Variants in L2HGDH observed in about 807,000 individuals in gnomAD.
L2HGDH encodes L-2-hydroxyglutarate dehydrogenase.
Under a neutral mutation model 51.5 loss-of-function variants are expected in L2HGDH, and 34 were observed. That is an observed-to-expected ratio of 0.66 (90% CI 0.50 to 0.88). The LOEUF is 0.88. Ranked by LOEUF, L2HGDH falls within the 40% of genes least tolerant of loss-of-function variation. The pLI is 0.00. For synonymous variants in L2HGDH, 198 were observed against 197.9 expected, an observed-to-expected ratio of 1.00 and a Z score of -0.01; for missense variants, 558 against 571.9, an observed-to-expected ratio of 0.98 and a Z score of 0.25.
chr14:50,249,665 C>T (rs184490750), intron 9 of L2HGDH, among the ~76,000 whole-genome samples: 15 of 151,958 alleles, frequency 9.9e-5, no homozygotes, highest in African/African-American at 2.7e-4. Context: ...CCAAGGAGTG[C>T]GTCATGGGCC....
intron 9 of L2HGDH, among the ~76,000 whole-genome samples, chr14:50,260,501 A>T (rs11157732): frequency 0.53 from 80,370 of 152,096 alleles, 21,505 homozygotes; most frequent in East Asian, 0.66. Flanking sequence ...CCCCTCAGTT[A>T]TTAAAATTAG....
chr14:50,297,926 T>A (rs1244183228), intron 3 of L2HGDH, among the ~76,000 whole-genome samples: 1 of 121,780 alleles, frequency 8.2e-6, no homozygotes, highest in Non-Finnish European at 1.8e-5. Flanking sequence ...CGGAGGGAGA[T>A]CCTAACTCAA....
chr14:50,304,577 T>C (rs2030617163), intron 1 of L2HGDH, among the ~76,000 whole-genome samples: 1 of 152,242 alleles, frequency 6.6e-6, no homozygotes, highest in Non-Finnish European at 1.5e-5. Context: ...GGCTCACGCC[T>C]GTAATCCCAG....
chr14:50,303,051 A>G (rs750269372), intron 1 of L2HGDH, 34 bp from the exon 2 acceptor site: 13 of 1,343,578 alleles, frequency 9.7e-6, no homozygotes, highest in Non-Finnish European at 1.4e-5. Context: ...AGTAATTCAT[A>G]TTTACAGTAG....
intron 9 of L2HGDH, among the ~76,000 whole-genome samples, chr14:50,260,199 C>T (rs1888939685): frequency 6.6e-6 from 1 of 151,506 alleles, no homozygotes; most frequent in Admixed American, 6.6e-5. Context: ...CTTAATACTT[C>T]CCAGTGCCAA....
Position 50,265,392 on chromosome 14 carries a change from ATT to A in L2HGDH, c.1160_1161del (p.Lys387IlefsTer4). 2 of 1,612,240 alleles carry A rather than the reference ATT, an allele frequency of 1.2e-6. No homozygotes were observed. The highest frequency in any genetic ancestry group is 1.7e-6 in the Non-Finnish European group (2 of 1,178,386). ...FLGATVKYLQKFIPEITISDI... is the reference protein window; with the variant it reads ...FLGATVKYLQXFIPEITISDI... Reference sequence around the variant, plus strand: ...TCACTGATAGTAATTTCAGGGATGAATTTTTGAAGATACTTCACTGTTGCACC... The same window carrying A: ...TCACTGATAGTAATTTCAGGGATGAATTTGAAGATACTTCACTGTTGCACC... On this transcript the variant is annotated frameshift_variant, in exon 9 of 10. Transcript: ENST00000267436. LOFTEE classifies it high-confidence loss of function.
At chr14:50,301,730 C>G (rs2030419608) in intron 3 of L2HGDH, among the ~76,000 whole-genome samples, 1 of 151,992 alleles carries the variant, frequency 6.6e-6, no homozygotes, top group Non-Finnish European at 1.5e-5. Flanking sequence ...ATGAAAAAGC[C>G]TGAAATTAGA....
intron 1 of L2HGDH, among the ~76,000 whole-genome samples, 170 bp from the exon 2 acceptor site, chr14:50,303,187 G>C (rs1208063172): frequency 6.6e-6 from 1 of 152,172 alleles, no homozygotes; most frequent in African/African-American, 2.4e-5. Flanking sequence ...ACTTTGAGTG[G>C]CCGAGGGGGG....
intron 6 of L2HGDH, among the ~76,000 whole-genome samples, chr14:50,273,182 C>G (rs900678329): frequency 2.6e-5 from 4 of 152,198 alleles, no homozygotes; most frequent in African/African-American, 9.7e-5. Context: ...AAAACAGTTT[C>G]AGAGAGTAAA....
At position 50,294,101 on chromosome 14, in the gene L2HGDH, TG is replaced by T. The variant is rs762956126; in HGVS notation, c.540+13del. ...TAAGCCCTAAATAAAAACATCCCTT[TG>T]TTAATCACTTACCCTACAATATGGC... On this transcript the variant is annotated intron_variant, in intron 4 of 9. Transcript: ENST00000267436. 3.2e-5 allele frequency: 51 copies of T among 1,613,616 alleles called. No homozygotes were observed. Among genetic ancestry groups the T allele is most frequent in the Non-Finnish European group, 3.1e-5 (37 of 1,179,650 alleles).
intron 2 of L2HGDH, 85 bp downstream of exon 2, chr14:50,302,817 T>G: frequency 1.1e-6 from 1 of 919,680 alleles, no homozygotes; most frequent in Non-Finnish European, 1.8e-6. Context: ...AAACTAACAC[T>G]GACATTCAGC....
chr14:50,310,647 T>C (rs1347331695), intron 1 of L2HGDH, among the ~76,000 whole-genome samples: 3 of 152,154 alleles, frequency 2.0e-5, no homozygotes, highest in Admixed American at 6.5e-5. Flanking sequence ...GAGGCTGCAG[T>C]GAGCTATGAT....
chr14:50,253,899 T>A (rs1430304930), intron 9 of L2HGDH, among the ~76,000 whole-genome samples: 1 of 152,128 alleles, frequency 6.6e-6, no homozygotes, highest in Admixed American at 6.6e-5. Context: ...GAGGTCATTA[T>A]GTTAAGTAAA....
At chr14:50,294,302 G>T in intron 3 of L2HGDH, 56 bp from the exon 4 acceptor site, 1 of 1,561,422 alleles carries the variant, frequency 6.4e-7, no homozygotes, top group Non-Finnish European at 8.7e-7. Context: ...CATCAGCGAT[G>T]AAAGATAAAG....
chr14:50,276,694 C>G (rs1889999076), intron 6 of L2HGDH, among the ~76,000 whole-genome samples: 2 of 152,322 alleles, frequency 1.3e-5, no homozygotes, highest in Non-Finnish European at 2.9e-5. Flanking sequence ...CAGCCATTAA[C>G]AAGCCAAAAG....
chr14:50,267,788 G>A lies in L2HGDH; in HGVS notation c.1029C>T (p.Phe343=). The change falls in exon 8 of 10, where the codon TTC becomes TTT. Residue 343 remains phenylalanine (F), a synonymous_variant. Coordinates refer to ENST00000267436, the MANE Select transcript of L2HGDH (RefSeq NM_024884.3). ...FKREGYRPFD[F]SATDVMDIII... is the part of the protein sequence containing the mutation. ...TTATATCCATAACATCTGTGGCACT[G>A]AAGTCAAAGGGTCTGTAACCCTCTC... is the stretch of plus-strand genomic sequence containing the variant. 6.2e-7 allele frequency: 1 copy of A among 1,612,804 alleles called. No homozygotes were observed. The highest frequency in any genetic ancestry group is 8.5e-7 in the Non-Finnish European group (1 of 1,178,788).
chr14:50,251,918 T>C (rs1045063759), intron 9 of L2HGDH, among the ~76,000 whole-genome samples: 1 of 152,052 alleles, frequency 6.6e-6, no homozygotes, highest in African/African-American at 2.4e-5. Flanking sequence ...GAAGAAATCA[T>C]ATAAAGGTAC....
chr14:50,263,774 C>CTTA (rs1889179723), intron 9 of L2HGDH, among the ~76,000 whole-genome samples: 1 of 137,272 alleles, frequency 7.3e-6, no homozygotes, highest in African/African-American at 2.7e-5. Context: ...AGCCTTTTAT[C>CTTA]TTTTTTTTTT....
intron 1 of L2HGDH, among the ~76,000 whole-genome samples, chr14:50,308,338 G>C (rs1462822887): frequency 6.7e-6 from 1 of 149,980 alleles, no homozygotes; most frequent in Non-Finnish European, 1.5e-5. Context: ...GGTGAGCCGA[G>C]ACCGCGCCAC....
Sources: gnomAD v4.1 joint callset for allele counts (sites outside exome capture counted in the v4.1 genomes callset) on GRCh38, gnomAD v4.1.1 for gene constraint, MANE v1.5 for transcripts, NCBI Gene and HGNC (gene_info 2026-07-23, HGNC 2026-07-21) for gene names.